The following SPOCK1 variants were observed in gnomAD, a reference collection of about 807,000 sequenced individuals.
SPOCK1 encodes the protein SPARC (osteonectin), cwcv and kazal like domains proteoglycan 1.
Under a neutral mutation model 55.3 loss-of-function variants are expected in SPOCK1, and 23 were observed. The observed-to-expected ratio is 0.42, with a 90% CI of 0.30 to 0.59. The LOEUF (loss-of-function observed/expected upper bound fraction) is 0.59, where lower values mean the gene tolerates loss of function less well. Among genes scored for constraint, SPOCK1 ranks in the 20% least tolerant of loss-of-function variants. The pLI is 0.22. For synonymous variants in SPOCK1, 226 were observed against 221.0 expected (o/e 1.02, Z -0.20); for missense variants, 499 against 552.5 (o/e 0.90, Z 0.97).
intron 2 of SPOCK1, among the ~76,000 whole-genome samples, chr5:137,448,364 G>C (rs150924363): frequency 9.3e-4 from 142 of 152,256 alleles, no homozygotes; most frequent in African/African-American, 3.3e-3. Context: ...GAGCAAGTTA[G>C]GGTCCATCCT....
intron 3 of SPOCK1, among the ~76,000 whole-genome samples, chr5:137,205,518 G>A (rs1202299617): frequency 6.6e-6 from 1 of 152,216 alleles, no homozygotes; most frequent in Non-Finnish European, 1.5e-5. Context: ...TGGCAGTGAT[G>A]AATTGTCTGA....
intron 3 of SPOCK1, among the ~76,000 whole-genome samples, chr5:137,173,315 C>T (rs1352895841): frequency 6.6e-6 from 1 of 152,134 alleles, no homozygotes; most frequent in African/African-American, 2.4e-5. Flanking sequence ...TTCAGCAGGG[C>T]CCTCAGATTC....
chr5:137,245,786 AC>A (rs1384762961), intron 3 of SPOCK1, among the ~76,000 whole-genome samples: 3 of 127,320 alleles, frequency 2.4e-5, no homozygotes, highest in Admixed American at 7.8e-5. Context: ...CAAAAAAAAA[AC>A]AAAAAAAAAA....
At chr5:136,989,264 C>T (rs1458872304) in intron 7 of SPOCK1, among the ~76,000 whole-genome samples, 1 of 152,112 alleles carries the variant, frequency 6.6e-6, no homozygotes, top group Admixed American at 6.5e-5. Flanking sequence ...TTCTTATTTC[C>T]CTGGGGGAGA....
rs560389482 is a variant in SPOCK1, at chr5:136,987,254, T to TAACA, written c.928+1164_928+1167dup. On this transcript the variant is annotated intron_variant, in intron 8 of 10. Coordinates refer to ENST00000394945, the MANE Select transcript of SPOCK1 (RefSeq NM_004598.4). ...GCTTGGCTATCTTAAAATTTCTCCCTAACAAAAATGCATGAACTGTAATTT... is the reference window on the plus strand; with the variant it reads ...GCTTGGCTATCTTAAAATTTCTCCCTAACAAACAAAAATGCATGAACTGTAATTT... Among the ~76,000 whole-genome samples, 146 of 152,190 alleles carry TAACA rather than the reference T, an allele frequency of 9.6e-4. 2 individuals carry two copies. The highest frequency in any genetic ancestry group is 3.5e-3 in the African/African-American group (144 of 41,526).
intron 2 of SPOCK1, among the ~76,000 whole-genome samples, chr5:137,276,320 C>T (rs1325308731): frequency 1.3e-5 from 2 of 152,242 alleles, no homozygotes; most frequent in African/African-American, 4.8e-5. Flanking sequence ...TATCAAATCC[C>T]AGTTTAGACA....
At chr5:137,323,964 C>T (rs1474701906) in intron 2 of SPOCK1, among the ~76,000 whole-genome samples, 2 of 152,160 alleles carry the variant, frequency 1.3e-5, no homozygotes, top group African/African-American at 2.4e-5. Context: ...GCAGCCATCC[C>T]ACTTCCAAGT....
intron 2 of SPOCK1, chr5:137,273,487 A>G (rs1757008145): frequency 1.7e-6 from 1 of 596,928 alleles, no homozygotes; most frequent in Non-Finnish European, 2.1e-6. Context: ...TTTTCAAATT[A>G]TCATAACATT....
intron 3 of SPOCK1, among the ~76,000 whole-genome samples, chr5:137,258,748 G>C (rs1414572384): frequency 6.6e-6 from 1 of 152,118 alleles, no homozygotes; most frequent in Non-Finnish European, 1.5e-5. Context: ...CTTTAAAATG[G>C]ATTCGTTCGT....
intron 2 of SPOCK1, among the ~76,000 whole-genome samples, chr5:137,373,308 T>G (rs890508265): frequency 1.3e-5 from 2 of 152,202 alleles, no homozygotes; most frequent in Admixed American, 6.5e-5. Flanking sequence ...AAGATTAACA[T>G]GATCAACAGG....
intron 5 of SPOCK1, among the ~76,000 whole-genome samples, chr5:137,092,868 G>C (rs1000257285): frequency 6.6e-6 from 1 of 152,178 alleles, no homozygotes; most frequent in Admixed American, 6.5e-5. Flanking sequence ...CACGGAGGCT[G>C]AGAAGTCCTG....
chr5:137,378,202 C>G (rs1332909313), intron 2 of SPOCK1, among the ~76,000 whole-genome samples: 3 of 152,180 alleles, frequency 2.0e-5, no homozygotes, highest in Admixed American at 6.5e-5. Context: ...CCTTGGCCTC[C>G]CAAAGTGCTG....
rs570596877 is a variant in SPOCK1, at chr5:137,338,467, C to T, written c.187-71412G>A. ...AAGTCTTTGCTATTGTGAATAGTGCCGCAATAAACACACGTGTACATGTGT... is the reference window on the plus strand; with the variant it reads ...AAGTCTTTGCTATTGTGAATAGTGCTGCAATAAACACACGTGTACATGTGT... On this transcript the variant is annotated intron_variant, in intron 2 of 10. Transcript: ENST00000394945. Among the ~76,000 whole-genome samples, 646 of 151,892 alleles carry T rather than the reference C, an allele frequency of 4.3e-3. 2 individuals carry two copies. The highest frequency in any genetic ancestry group is 3.6e-3 in the Non-Finnish European group (246 of 67,974).
At chr5:137,382,524 A>G (rs961071149) in intron 2 of SPOCK1, among the ~76,000 whole-genome samples, 1 of 152,228 alleles carries the variant, frequency 6.6e-6, no homozygotes, top group African/African-American at 2.4e-5. Flanking sequence ...ACAGTTCTAT[A>G]GGCTTAACAG....
rs953151250 is a variant in SPOCK1, at chr5:137,180,888, T to C, written c.233-40194A>G. Among the ~76,000 whole-genome samples the C allele has an allele frequency of 5.9e-5, 9 of 152,070 alleles. 1 individual carries two copies. Among genetic ancestry groups the C allele is most frequent in the African/African-American group, 2.2e-4 (9 of 41,414 alleles). ...TGGTCCTCACAATGAAAAAATGAAATGATGGGTGATAAGTGGATGGCTTGG... is the reference window on the plus strand; with the variant it reads ...TGGTCCTCACAATGAAAAAATGAAACGATGGGTGATAAGTGGATGGCTTGG... On this transcript the variant is annotated intron_variant, in intron 3 of 10. Coordinates refer to ENST00000394945, the MANE Select transcript of SPOCK1 (RefSeq NM_004598.4).
At chr5:137,353,853 G>C (rs1750733590) in intron 2 of SPOCK1, among the ~76,000 whole-genome samples, 1 of 152,094 alleles carries the variant, frequency 6.6e-6, no homozygotes, top group African/African-American at 2.4e-5. Context: ...TCCACTTCCA[G>C]AAGGGTAACA....
At chr5:137,112,890 A>G (rs1232134642) in intron 4 of SPOCK1, among the ~76,000 whole-genome samples, 1 of 150,620 alleles carries the variant, frequency 6.6e-6, no homozygotes, top group Non-Finnish European at 1.5e-5. Flanking sequence ...AATCAGCCCC[A>G]ATACCGTATG....
At chr5:137,205,142 C>G (rs1200752298) in intron 3 of SPOCK1, among the ~76,000 whole-genome samples, 2 of 152,200 alleles carry the variant, frequency 1.3e-5, no homozygotes, top group Non-Finnish European at 2.9e-5. Flanking sequence ...ATAGGCTTCA[C>G]AAGAGCAAGT....
chr5:137,403,346 C>T (rs1240801219), intron 2 of SPOCK1, among the ~76,000 whole-genome samples: 2 of 152,256 alleles, frequency 1.3e-5, no homozygotes, highest in Non-Finnish European at 1.5e-5. Flanking sequence ...ACTCAGAAAA[C>T]GGGAACATCC....
Sources: allele counts gnomAD v4.1 joint callset (sites outside exome capture counted in the v4.1 genomes callset), GRCh38; gene constraint gnomAD v4.1.1; transcripts MANE v1.5; gene names NCBI Gene and HGNC (gene_info 2026-07-23, HGNC 2026-07-21).